Variants in HS3ST3A1 observed in about 807,000 individuals in gnomAD.
HS3ST3A1 encodes heparan sulfate-glucosamine 3-sulfotransferase 3A1.
In HS3ST3A1, 19 loss-of-function variants were observed where a neutral mutation model predicts 25.7. The observed-to-expected ratio is 0.74, with a 90% CI of 0.52 to 1.08. The LOEUF is 1.08. Ranked by LOEUF, HS3ST3A1 falls within the 50% of genes least tolerant of loss-of-function variation. The probability of loss-of-function intolerance (pLI) is 0.00; values close to 1 mark genes in which losing one functional copy is unlikely to be tolerated. For synonymous variants in HS3ST3A1, 226 were observed against 278.6 expected, an observed-to-expected ratio of 0.81 and a Z score of 1.88; for missense variants, 459 against 594.3, an observed-to-expected ratio of 0.77 and a Z score of 2.37.
chr17:13,565,933 T>C (rs2142369242), intron 1 of HS3ST3A1, among the ~76,000 whole-genome samples: 1 of 152,338 alleles, frequency 6.6e-6, no homozygotes, highest in African/African-American at 2.4e-5. Flanking sequence ...TACAGTTCCA[T>C]CTTTTTATCT....
At chr17:13,579,832 C>T (rs1018844651) in intron 1 of HS3ST3A1, among the ~76,000 whole-genome samples, 5 of 148,838 alleles carry the variant, frequency 3.4e-5, no homozygotes, top group African/African-American at 1.2e-4. Context: ...TTAGTGGGGC[C>T]GTGGTGGCGC....
At chr17:13,579,355 C>T (rs1041754400) in intron 1 of HS3ST3A1, among the ~76,000 whole-genome samples, 17 of 152,126 alleles carry the variant, frequency 1.1e-4, no homozygotes, top group Admixed American at 5.2e-4. Context: ...TTATAATAGT[C>T]CCAAATTAAA....
intron 1 of HS3ST3A1, among the ~76,000 whole-genome samples, chr17:13,520,146 C>T (rs116544860): frequency 0.017 from 2,624 of 152,264 alleles, 72 homozygotes; most frequent in African/African-American, 0.06. Flanking sequence ...CATCTATCCT[C>T]TAATTAATAA....
intron 1 of HS3ST3A1, among the ~76,000 whole-genome samples, chr17:13,548,840 T>C (rs1333132807): frequency 6.6e-6 from 1 of 152,106 alleles, no homozygotes; most frequent in Non-Finnish European, 1.5e-5. Flanking sequence ...GCTCTGTGTC[T>C]ACCTAAAGGT....
intron 1 of HS3ST3A1, among the ~76,000 whole-genome samples, chr17:13,548,705 C>G (rs1277516961): frequency 6.6e-6 from 1 of 152,042 alleles, no homozygotes; most frequent in Non-Finnish European, 1.5e-5. Context: ...AGCACTCTGT[C>G]TAGCTAAAGG....
At chr17:13,505,575 A>T (rs1905635979) in intron 1 of HS3ST3A1, among the ~76,000 whole-genome samples, 1 of 152,106 alleles carries the variant, frequency 6.6e-6, no homozygotes, top group Admixed American at 6.6e-5. Flanking sequence ...GGGTGAGGAC[A>T]AAAGGAATAT....
At chr17:13,560,569 C>G (rs1265748601) in intron 1 of HS3ST3A1, among the ~76,000 whole-genome samples, 1 of 152,084 alleles carries the variant, frequency 6.6e-6, no homozygotes, top group Non-Finnish European at 1.5e-5. Context: ...CAGCGTGTGT[C>G]TGGATTTTTG....
At chr17:13,518,762 C>T (rs1277772796) in intron 1 of HS3ST3A1, among the ~76,000 whole-genome samples, 3 of 152,182 alleles carry the variant, frequency 2.0e-5, no homozygotes, top group Non-Finnish European at 4.4e-5. Context: ...CCCAGGAAAG[C>T]CCTCCCTAGG....
intron 1 of HS3ST3A1, among the ~76,000 whole-genome samples, chr17:13,568,837 C>A (rs1056459061): frequency 6.6e-6 from 1 of 152,214 alleles, no homozygotes. Flanking sequence ...TTTCAATGGT[C>A]CTGAGACCAG....
intron 1 of HS3ST3A1, among the ~76,000 whole-genome samples, chr17:13,501,950 A>G (rs908608685): frequency 1.6e-4 from 25 of 152,334 alleles, no homozygotes; most frequent in Admixed American, 7.8e-4. Flanking sequence ...CTAGCTTATT[A>G]TCTTATTATG....
chr17:13,541,156 C>G lies in HS3ST3A1; in HGVS notation c.600-44338G>C, dbSNP rs9896008. Among the ~76,000 whole-genome samples the G allele has an allele frequency of 1.4e-3, 218 of 152,180 alleles. 1 individual carries two copies. Among genetic ancestry groups the G allele is most frequent in the African/African-American group, 5.0e-3 (207 of 41,524 alleles). On this transcript the variant is annotated intron_variant, in intron 1 of 1. Coordinates refer to ENST00000284110, the MANE Select transcript of HS3ST3A1 (RefSeq NM_006042.3). ...TTTGAATGAGTTTTTGAATGGATGC[C>G]AAAGATTTCCTATCTCCTCTGCTAA... is the stretch of plus-strand genomic sequence containing the variant.
At chr17:13,498,701 T>C (rs1052246529) in intron 1 of HS3ST3A1, among the ~76,000 whole-genome samples, 4 of 152,326 alleles carry the variant, frequency 2.6e-5, no homozygotes, top group African/African-American at 9.6e-5. Flanking sequence ...TTGGGTTAGA[T>C]CATACCCTTT....
At chr17:13,511,248 C>G (rs1227832446) in intron 1 of HS3ST3A1, among the ~76,000 whole-genome samples, 2 of 152,158 alleles carry the variant, frequency 1.3e-5, no homozygotes, top group African/African-American at 2.4e-5. Flanking sequence ...AATATCCACT[C>G]TCATATTTAA....
chr17:13,593,811 C>T (rs1908501881), intron 1 of HS3ST3A1, among the ~76,000 whole-genome samples: 1 of 152,104 alleles, frequency 6.6e-6, no homozygotes, highest in South Asian at 2.1e-4. Context: ...ATATCATAAC[C>T]CTAGAACAGT....
At chr17:13,565,998 C>T (rs1336864627) in intron 1 of HS3ST3A1, among the ~76,000 whole-genome samples, 1 of 152,194 alleles carries the variant, frequency 6.6e-6, no homozygotes, top group Non-Finnish European at 1.5e-5. Flanking sequence ...CTGTTTTCCT[C>T]TGCTGTTCAG....
chr17:13,589,868 C>T (rs911000509), intron 1 of HS3ST3A1, among the ~76,000 whole-genome samples: 1 of 152,160 alleles, frequency 6.6e-6, no homozygotes, highest in South Asian at 2.1e-4. Context: ...ATCCAGTTCC[C>T]TTTTGTTAAA....
Position 13,600,793 on chromosome 17 carries a change from A to C in HS3ST3A1, c.337T>G (p.Trp113Gly). The part of the protein sequence containing the change: ...APRDDGEEAA[W>G]EEESPGLSGG... ...GACAGGCCAGGGGACTCTTCTTCCC[A>C]GGCCGCCTCCTCGCCGTCGTCGCGG... Residue 113 changes from tryptophan to glycine, a missense_variant, in exon 1 of 2, where the codon TGG becomes GGG. By Grantham distance (184) the Trp-to-Gly change is radical. This residue lies in a region of HS3ST3A1 where 346 missense variants were observed against 303.9 expected (regional missense o/e 1.14). Coordinates refer to ENST00000284110, the MANE Select transcript of HS3ST3A1 (RefSeq NM_006042.3). 7.0e-7 allele frequency: 1 copy of C among 1,431,458 alleles called. No homozygotes were observed. The highest frequency in any genetic ancestry group is 9.0e-7 in the Non-Finnish European group (1 of 1,105,784). The allele number at this position is 1,431,458 out of a possible 1,614,324, so 88.7% of individuals were successfully genotyped here.
intron 1 of HS3ST3A1, among the ~76,000 whole-genome samples, chr17:13,543,160 A>G (rs1906983935): frequency 6.6e-6 from 1 of 152,202 alleles, no homozygotes; most frequent in African/African-American, 2.4e-5. Context: ...ACTCTAGCAA[A>G]TTAAACAAAT....
intron 1 of HS3ST3A1, among the ~76,000 whole-genome samples, chr17:13,551,526 G>C (rs4792371): frequency 0.44 from 66,399 of 150,198 alleles, 14,902 homozygotes; most frequent in Middle Eastern, 0.53. Context: ...TGTTCAGAAG[G>C]GGTTACTAGA....
Sources: gnomAD v4.1 joint callset for allele counts (sites outside exome capture counted in the v4.1 genomes callset) on GRCh38, gnomAD v4.1.1 for gene constraint, gnomAD v4.1.1 regional missense constraint, MANE v1.5 for transcripts, NCBI Gene and HGNC (gene_info 2026-07-23, HGNC 2026-07-21) for gene names.